VWA8: variants seen among roughly 807,000 people sequenced by gnomAD.
VWA8 encodes the protein von Willebrand factor A domain-containing protein 8.
Under a neutral mutation model 241.5 loss-of-function variants are expected in VWA8, and 221 were observed. The observed-to-expected ratio is 0.91, with a 90% CI of 0.82 to 1.02. VWA8 has a LOEUF of 1.02. Ranked by LOEUF, VWA8 falls within the 50% of genes least tolerant of loss-of-function variation. VWA8 has a pLI of 0.00. For synonymous variants in VWA8, 852 were observed against 827.1 expected (o/e 1.03, Z -0.52); for missense variants, 2,322 against 2,328.7 (o/e 1.00, Z 0.06).
At chr13:41,673,170 C>T (rs1413923247) in intron 36 of VWA8, among the ~76,000 whole-genome samples, 1 of 152,164 alleles carries the variant, frequency 6.6e-6, no homozygotes, top group Non-Finnish European at 1.5e-5. Context: ...AATTTATACA[C>T]AGCCACATAT....
intron 2 of VWA8, among the ~76,000 whole-genome samples, chr13:41,930,914 G>A (rs912118492): frequency 2.0e-5 from 3 of 152,030 alleles, no homozygotes; most frequent in Non-Finnish European, 4.4e-5. Context: ...ACTTTGAGAG[G>A]CCGAGGCGGG....
At chr13:41,897,229 A>G (rs1406564426) in intron 4 of VWA8, among the ~76,000 whole-genome samples, 3 of 152,084 alleles carry the variant, frequency 2.0e-5, no homozygotes, top group South Asian at 4.1e-4. Flanking sequence ...AAAAAAAAAG[A>G]TAAGATTTAA....
intron 43 of VWA8, among the ~76,000 whole-genome samples, chr13:41,572,373 G>A (rs1006023764): frequency 1.3e-5 from 2 of 152,236 alleles, no homozygotes; most frequent in African/African-American, 4.8e-5. Flanking sequence ...GGGAAATGTG[G>A]GGAAAAGAGA....
chr13:41,932,361 T>C lies in VWA8; in HGVS notation c.241+17575A>G, dbSNP rs552738948. On this transcript the variant is annotated intron_variant, in intron 2 of 44. Coordinates refer to ENST00000379310, the MANE Select transcript of VWA8 (RefSeq NM_015058.2). ...AAACCCTGGGCCAAGATGGCTTCACTGATGAATTCTACCAAACATTTAAGA... is the reference window on the plus strand; with the variant it reads ...AAACCCTGGGCCAAGATGGCTTCACCGATGAATTCTACCAAACATTTAAGA... 6.6e-5 allele frequency among the ~76,000 whole-genome samples: 10 copies of C among 152,236 alleles called. No homozygotes were observed. In the South Asian group the frequency reaches 1.4e-3, roughly 22 times the overall value.
Position 41,767,312 on chromosome 13 carries a change from C to A in VWA8, c.2350-6108G>T, listed in dbSNP as rs2045785622. On this transcript the variant is annotated intron_variant, in intron 20 of 44. Coordinates refer to ENST00000379310, the MANE Select transcript of VWA8 (RefSeq NM_015058.2). ...AAAAAAATCCCATCTAATGCTGAAC[C>A]TTCTAATTCTTTGCTTAAATGCCTA... Among the ~76,000 whole-genome samples, 4 of 152,172 alleles carry A rather than the reference C, an allele frequency of 2.6e-5. No individual in the cohort carries two copies. In the South Asian group the frequency reaches 8.3e-4, roughly 32 times the overall value.
chr13:41,661,995 T>C (rs557412023), intron 37 of VWA8, among the ~76,000 whole-genome samples: 16 of 152,350 alleles, frequency 1.1e-4, no homozygotes, highest in Admixed American at 2.6e-4. Flanking sequence ...TTCTGTTTCA[T>C]TGATTTAATT....
chr13:41,636,655 T>C lies in VWA8; in HGVS notation c.4612-21571A>G, dbSNP rs567854305. On this transcript the variant is annotated intron_variant, in intron 37 of 44. Coordinates refer to ENST00000379310, the MANE Select transcript of VWA8 (RefSeq NM_015058.2). Reference sequence around the variant, plus strand: ...CAACCTATAGAATGGGAGAAAATTTTTGCAATCTACTCATCTGACAAAGGG... The same window carrying C: ...CAACCTATAGAATGGGAGAAAATTTCTGCAATCTACTCATCTGACAAAGGG... Among the ~76,000 whole-genome samples the C allele has an allele frequency of 5.8e-4, 89 of 152,260 alleles. No individual in the cohort carries two copies. In the East Asian group the frequency reaches 7.9e-3, roughly 14 times the overall value.
At chr13:41,729,147 T>C (rs2045460665) in intron 23 of VWA8, among the ~76,000 whole-genome samples, 1 of 151,978 alleles carries the variant, frequency 6.6e-6, no homozygotes, top group Admixed American at 6.6e-5. Flanking sequence ...TGTCTTTATA[T>C]ATACACACGT....
intron 40 of VWA8, among the ~76,000 whole-genome samples, chr13:41,593,800 GC>G (rs1017162530): frequency 2.6e-4 from 40 of 152,300 alleles, no homozygotes; most frequent in African/African-American, 8.9e-4. Context: ...GGGAAAACCA[GC>G]ACTGAAGAAA....
chr13:41,863,452 T>TA (rs1873132698), intron 12 of VWA8, among the ~76,000 whole-genome samples: 1 of 105,408 alleles, frequency 9.5e-6, no homozygotes, highest in Non-Finnish European at 2.1e-5. Flanking sequence ...TATATATATA[T>TA]ATTCACACAC....
rs116621525 is a variant in VWA8, at chr13:41,627,272, C to T, written c.4612-12188G>A. On this transcript the variant is annotated intron_variant, in intron 37 of 44. Coordinates refer to ENST00000379310, the MANE Select transcript of VWA8 (RefSeq NM_015058.2). ...AAAAGTCAAAAAGTGGCCTTTGAGA[C>T]CCTATGCTCAGGCCCGCTCCCAGAC... 4.6e-3 allele frequency among the ~76,000 whole-genome samples: 694 copies of T among 152,250 alleles called. 9 individuals are homozygous for T. Among genetic ancestry groups the T allele is most frequent in the African/African-American group, 0.016 (653 of 41,548 alleles).
rs1385376084 is a variant in VWA8 at position 41,782,888 on chromosome 13, T to C, written c.2277+907A>G. Among the ~76,000 whole-genome samples, 6 of 151,828 alleles carry C rather than the reference T, an allele frequency of 4.0e-5. No individual in the cohort carries two copies. The East Asian group carries it at 1.2e-3, about 29-fold the overall frequency. Reference sequence around the variant, plus strand: ...AACATCTACAATAAAGCTTTCTAGATACAAACTTATATGTCTTAGTGGAAG... The same window carrying C: ...AACATCTACAATAAAGCTTTCTAGACACAAACTTATATGTCTTAGTGGAAG... On this transcript the variant is annotated intron_variant, in intron 19 of 44. Coordinates refer to ENST00000379310, the MANE Select transcript of VWA8 (RefSeq NM_015058.2).
intron 12 of VWA8, among the ~76,000 whole-genome samples, chr13:41,860,563 A>G (rs1442564637): frequency 1.3e-5 from 2 of 152,238 alleles, no homozygotes; most frequent in Non-Finnish European, 2.9e-5. Context: ...TCCCACCCTT[A>G]TTCATCCATG....
At chr13:41,719,529 TG>T in intron 26 of VWA8, 61 bp downstream of exon 26, 8 of 1,604,836 alleles carry the variant, frequency 5.0e-6, no homozygotes, top group Middle Eastern at 1.7e-4. Context: ...TTTTGTAGAA[TG>T]GAATGATAAA....
chr13:41,711,039 C>T (rs1249129779), intron 26 of VWA8, among the ~76,000 whole-genome samples: 1 of 152,228 alleles, frequency 6.6e-6, no homozygotes, highest in Non-Finnish European at 1.5e-5. Context: ...ATATGCACAT[C>T]TGGCACTGCT....
chr13:41,881,767 T>G (rs12856478), intron 9 of VWA8, among the ~76,000 whole-genome samples: 3 of 60,088 alleles, frequency 5.0e-5, no homozygotes, highest in Non-Finnish European at 1.0e-4. Context: ...GGCGACTGGC[T>G]GGGCAGAGGA....
intron 6 of VWA8, 117 bp from the exon 7 acceptor site, chr13:41,886,947 C>A: frequency 1.1e-6 from 1 of 913,826 alleles, no homozygotes; most frequent in Non-Finnish European, 1.6e-6. Flanking sequence ...TATTTAACAG[C>A]AAAAAATCAT....
chr13:41,748,426 T>C (rs2045627242), intron 21 of VWA8, among the ~76,000 whole-genome samples: 1 of 152,196 alleles, frequency 6.6e-6, no homozygotes, highest in Admixed American at 6.5e-5. Flanking sequence ...TTTGCATTTC[T>C]GTGGGATTGG....
At chr13:41,924,958 CA>C (rs1876760874) in intron 2 of VWA8, among the ~76,000 whole-genome samples, 1 of 152,078 alleles carries the variant, frequency 6.6e-6, no homozygotes, top group Non-Finnish European at 1.5e-5. Context: ...AGCTATTCTC[CA>C]ATGTACATTA....
Sources: allele counts gnomAD v4.1 joint callset (sites outside exome capture counted in the v4.1 genomes callset), GRCh38; gene constraint gnomAD v4.1.1; transcripts MANE v1.5; gene names NCBI Gene and HGNC (gene_info 2026-07-23, HGNC 2026-07-21).